The following TACC2 variants were observed in gnomAD, a reference collection of about 807,000 sequenced individuals.
TACC2 encodes transforming acidic coiled-coil-containing protein 2.
TACC2 carries 137 observed loss-of-function variants against 227.3 expected under a neutral mutation model. That is an observed-to-expected ratio of 0.60 (90% CI 0.52 to 0.69). The LOEUF (loss-of-function observed/expected upper bound fraction) is 0.69, where lower values mean the gene tolerates loss of function less well. Among genes scored for constraint, TACC2 ranks in the 30% least tolerant of loss-of-function variants. The pLI, the probability that TACC2 is intolerant of heterozygous loss-of-function variation, is 0.00. For synonymous variants in TACC2, 1,523 were observed against 1,487.5 expected, an observed-to-expected ratio of 1.02 and a Z score of -0.55; for missense variants, 3,470 against 3,694.4, an observed-to-expected ratio of 0.94 and a Z score of 1.57.
chr10:122,111,997 C>T (rs770319779), intron 5 of TACC2, among the ~76,000 whole-genome samples: 3 of 152,134 alleles, frequency 2.0e-5, no homozygotes, highest in Non-Finnish European at 2.9e-5. Context: ...ACAATATTTT[C>T]GCAGAAGGCA....
In TACC2 at chr10:122,084,190, G is replaced by C. The variant is rs774186572; in HGVS notation, c.1690G>C (p.Val564Leu). ...KVHEDSTSPA[V>L]AKEGSRSPGD... is the part of the protein sequence containing the mutation. ...CCATGAAGATTCCACAAGCCCAGCCGTGGCTAAAGAAGGAAGCAGATCACC... is the reference window on the plus strand; with the variant it reads ...CCATGAAGATTCCACAAGCCCAGCCCTGGCTAAAGAAGGAAGCAGATCACC... Residue 564 changes from valine (V) to leucine (L), a missense_variant, in exon 4 of 23, where the codon GTG becomes CTG. Val to Leu is a conservative substitution (Grantham distance 32). Coordinates refer to ENST00000369005, the MANE Select transcript of TACC2 (RefSeq NM_206862.4). 2 of 1,614,118 alleles carry C rather than the reference G, an allele frequency of 1.2e-6. No individual in the cohort carries two copies. The highest frequency in any genetic ancestry group is 1.7e-6 in the Non-Finnish European group (2 of 1,180,040).
intron 5 of TACC2, among the ~76,000 whole-genome samples, chr10:122,106,233 C>T (rs568224738): frequency 4.1e-4 from 63 of 152,116 alleles, no homozygotes; most frequent in African/African-American, 1.5e-3. Context: ...GGTGATCTGC[C>T]TACCTCAGCC....
chr10:122,086,947 G>A lies in TACC2; in HGVS notation c.4447G>A (p.Glu1483Lys), dbSNP rs1369192418. The change falls in exon 4 of 23, where the codon GAG (glutamate) becomes AAG (lysine). Residue 1483 changes from glutamate (E) to lysine (K), a missense_variant. By Grantham distance (56) the Glu-to-Lys change is moderately conservative. This residue lies in a region of TACC2 where 1,924 missense variants were observed against 1,978.3 expected (regional missense o/e 0.97). Transcript: ENST00000369005. The part of the protein sequence containing the change: ...EKKQQLAGEA[E>K]ISHLALQDPA... The stretch of plus-strand genomic sequence containing the variant: ...GAAGCAACAGTTGGCTGGAGAGGCT[G>A]AGATTTCCCATCTGGCTCTGCAAGA... 6.2e-7 allele frequency: 1 copy of A among 1,613,980 alleles called. No individual in the cohort carries two copies. Among genetic ancestry groups the A allele is most frequent in the East Asian group, 2.2e-5 (1 of 44,878 alleles).
intron 12 of TACC2, among the ~76,000 whole-genome samples, chr10:122,226,111 C>T (rs552273221): frequency 2.2e-4 from 33 of 152,276 alleles, no homozygotes; most frequent in African/African-American, 5.3e-4. Flanking sequence ...TCACCAACGC[C>T]GTGGCGTCTT....
rs61083559 is a variant in TACC2 at position 122,178,239 on chromosome 10, CTT to C, written c.5835-16786_5835-16785del. ...TTTATAAGGGTTTTTTTCTTTCTTTCTTTTTTTTTTTTTTTTGAGACAGTCTT... is the reference window on the plus strand; with the variant it reads ...TTTATAAGGGTTTTTTTCTTTCTTTCTTTTTTTTTTTTTTGAGACAGTCTT... On this transcript the variant is annotated intron_variant, in intron 7 of 22. Transcript: ENST00000369005. 8.1e-4 allele frequency among the ~76,000 whole-genome samples: 110 copies of C among 136,404 alleles called. 1 individual carries two copies. Among genetic ancestry groups the C allele is most frequent in the African/African-American group, 1.9e-3 (68 of 36,286 alleles). The allele number at this position is 136,404 out of a possible 152,430, so 89.5% of individuals were successfully genotyped here.
chr10:122,009,171 A>T (rs1301305067), intron 1 of TACC2, among the ~76,000 whole-genome samples: 4 of 152,188 alleles, frequency 2.6e-5, no homozygotes, highest in Non-Finnish European at 5.9e-5. Context: ...TTGAAAAGTG[A>T]TTACACTTCT....
At chr10:122,203,515 C>G (rs1181910800) in intron 8 of TACC2, among the ~76,000 whole-genome samples, 1 of 151,324 alleles carries the variant, frequency 6.6e-6, no homozygotes, top group Non-Finnish European at 1.5e-5. Context: ...CTCCTCACTT[C>G]TCAGACGGGG....
At chr10:122,201,849 A>G in intron 8 of TACC2, among the ~76,000 whole-genome samples, 1 of 152,218 alleles carries the variant, frequency 6.6e-6, no homozygotes, top group Admixed American at 6.5e-5. Flanking sequence ...AGAGACAGTG[A>G]CAGCGAGGCA....
intron 13 of TACC2, among the ~76,000 whole-genome samples, chr10:122,227,625 A>G (rs886546168): frequency 1.3e-5 from 2 of 152,194 alleles, no homozygotes; most frequent in Non-Finnish European, 2.9e-5. Flanking sequence ...TCGGGTCTGT[A>G]GCCAGTGGCA....
chr10:122,239,588 T>C (rs775905522), intron 18 of TACC2, among the ~76,000 whole-genome samples: 36 of 152,226 alleles, frequency 2.4e-4, no homozygotes, highest in Non-Finnish European at 4.4e-4. Flanking sequence ...TCTAGTTTTT[T>C]TACATGCACT....
At chr10:122,165,717 TG>T (rs1209116987) in intron 7 of TACC2, among the ~76,000 whole-genome samples, 1 of 152,230 alleles carries the variant, frequency 6.6e-6, no homozygotes, top group Non-Finnish European at 1.5e-5. Flanking sequence ...CTGCTGCCTC[TG>T]AAATGTCTCT....
At chr10:122,117,122 C>T (rs2084841275) in intron 5 of TACC2, among the ~76,000 whole-genome samples, 1 of 152,020 alleles carries the variant, frequency 6.6e-6, no homozygotes, top group African/African-American at 2.4e-5. Context: ...TAAATCAAGT[C>T]CCTCAAATCT....
chr10:122,037,865 G>T (rs768690156), intron 2 of TACC2, among the ~76,000 whole-genome samples: 8 of 152,224 alleles, frequency 5.3e-5, no homozygotes, highest in Non-Finnish European at 1.2e-4. Context: ...TAGAGAGCAA[G>T]AAGCCTGGGA....
chr10:122,226,223 C>G (rs568560883), intron 12 of TACC2, 143 bp from the exon 13 acceptor site: 3 of 625,484 alleles, frequency 4.8e-6, no homozygotes, highest in South Asian at 2.0e-5. Flanking sequence ...CCACTTCCTC[C>G]TCTCTTCCTG....
intron 1 of TACC2, among the ~76,000 whole-genome samples, chr10:122,000,438 T>C (rs1379558177): frequency 6.6e-6 from 1 of 152,156 alleles, no homozygotes; most frequent in African/African-American, 2.4e-5. Context: ...GCCAAATTAC[T>C]GGCAGATTGC....
At chr10:122,247,368 G>A (rs560239314) in intron 19 of TACC2, 1 of 152,336 alleles carries the variant, frequency 6.6e-6, no homozygotes, top group South Asian at 2.1e-4. Flanking sequence ...CTGGTAGAAA[G>A]ACAGGTCTGC....
intron 16 of TACC2, among the ~76,000 whole-genome samples, chr10:122,236,060 G>A (rs746210985): frequency 5.3e-5 from 8 of 152,124 alleles, no homozygotes; most frequent in Non-Finnish European, 1.0e-4. Flanking sequence ...AGTCATCTCC[G>A]GTCCTATCCA....
At chr10:122,049,424 G>A (rs915295087) in intron 2 of TACC2, among the ~76,000 whole-genome samples, 1 of 152,198 alleles carries the variant, frequency 6.6e-6, no homozygotes, top group African/African-American at 2.4e-5. Flanking sequence ...TCCCGTAGAA[G>A]GTCCTGGCTT....
intron 5 of TACC2, among the ~76,000 whole-genome samples, chr10:122,127,417 G>C (rs935442632): frequency 6.6e-6 from 1 of 152,310 alleles, no homozygotes. Flanking sequence ...TTTTTGGACA[G>C]AGTCCATTCC....
Sources: gnomAD v4.1 joint callset for allele counts (sites outside exome capture counted in the v4.1 genomes callset) on GRCh38, gnomAD v4.1.1 for gene constraint, gnomAD v4.1.1 regional missense constraint, MANE v1.5 for transcripts, NCBI Gene and HGNC (gene_info 2026-07-23, HGNC 2026-07-21) for gene names.